GABRG3: variants seen among roughly 807,000 people sequenced by gnomAD.
The protein encoded by GABRG3 is gamma-aminobutyric acid receptor subunit gamma-3.
Under a neutral mutation model 48.8 loss-of-function variants are expected in GABRG3, and 25 were observed. That is an observed-to-expected ratio of 0.51 (90% CI 0.37 to 0.72). The LOEUF is 0.72. Ranked by LOEUF, GABRG3 falls within the 30% of genes least tolerant of loss-of-function variation. The probability of loss-of-function intolerance (pLI) is 0.00; values close to 1 mark genes in which losing one functional copy is unlikely to be tolerated. For missense variants in GABRG3, 394 were observed against 577.9 expected (o/e 0.68, Z 3.26); for synonymous variants, 227 against 217.6 (o/e 1.04, Z -0.38).
At chr15:27,182,134 T>G (rs1887950760) in intron 3 of GABRG3, among the ~76,000 whole-genome samples, 1 of 152,100 alleles carries the variant, frequency 6.6e-6, no homozygotes, top group Admixed American at 6.6e-5. Context: ...AAATGCAGAT[T>G]CCAAGACATC....
In GABRG3 at chr15:26,974,663, G is replaced by T. The variant is rs1894904131; in HGVS notation, c.54-2339G>T. ...CTGATTCTGCTGAGATGAGCTACCGGCCTCTCCTCACTGCCCCAGATGCCC... is the reference window on the plus strand; with the variant it reads ...CTGATTCTGCTGAGATGAGCTACCGTCCTCTCCTCACTGCCCCAGATGCCC... On this transcript the variant is annotated intron_variant, in intron 1 of 9. Coordinates refer to ENST00000615808, the MANE Select transcript of GABRG3 (RefSeq NM_033223.5). This position sits in a 1 kb window ranked among gnomAD's most constrained non-coding sequence, Gnocchi z 4.3. Among the ~76,000 whole-genome samples the T allele has an allele frequency of 6.6e-6, 1 of 151,906 alleles. No homozygotes were observed. The highest frequency in any genetic ancestry group is 2.4e-5 in the African/African-American group (1 of 41,326).
chr15:27,301,013 G>C (rs2140492927), intron 3 of GABRG3, among the ~76,000 whole-genome samples: 1 of 152,060 alleles, frequency 6.6e-6, no homozygotes, highest in Middle Eastern at 3.4e-3. Flanking sequence ...CATCAGTGGG[G>C]GAATGGAGAT....
intron 3 of GABRG3, among the ~76,000 whole-genome samples, chr15:27,059,202 C>T (rs1896604569): frequency 6.6e-6 from 1 of 152,202 alleles, no homozygotes; most frequent in Admixed American, 6.5e-5. Context: ...CATACATGCT[C>T]TTTCTAGCCA....
At chr15:27,365,498 T>C (rs951483377) in intron 5 of GABRG3, 4 of 152,210 alleles carry the variant, frequency 2.6e-5, no homozygotes, top group African/African-American at 9.6e-5. Flanking sequence ...ACACCAGGTA[T>C]TTTGCAGGAT....
chr15:27,417,636 C>T (rs1887980774), intron 5 of GABRG3, among the ~76,000 whole-genome samples: 1 of 152,226 alleles, frequency 6.6e-6, no homozygotes. Flanking sequence ...CAAGCTCCCT[C>T]AAATGCTCCT....
chr15:27,346,578 C>T (rs562224364), intron 5 of GABRG3, among the ~76,000 whole-genome samples: 18 of 151,810 alleles, frequency 1.2e-4, no homozygotes, highest in African/African-American at 3.1e-4. Context: ...ATTATGTGTA[C>T]GTTACACCTT....
intron 3 of GABRG3, among the ~76,000 whole-genome samples, chr15:27,227,415 C>T (rs910816677): frequency 6.6e-6 from 1 of 152,050 alleles, no homozygotes; most frequent in Non-Finnish European, 1.5e-5. Flanking sequence ...GGAGGATCAC[C>T]TGAGCCTTAG....
intron 3 of GABRG3, among the ~76,000 whole-genome samples, chr15:27,193,600 C>T (rs915914728): frequency 7.2e-5 from 11 of 152,156 alleles, no homozygotes; most frequent in Admixed American, 3.9e-4. Flanking sequence ...GGGAGTAACC[C>T]GATTTTCCAG....
chr15:27,075,139 A>C (rs1595508020), intron 3 of GABRG3, among the ~76,000 whole-genome samples: 1 of 152,156 alleles, frequency 6.6e-6, no homozygotes, highest in African/African-American at 2.4e-5. Flanking sequence ...TTTTTTTCTC[A>C]TTTGTTTAGA....
At chr15:27,334,169 C>A (rs186821924) in intron 5 of GABRG3, among the ~76,000 whole-genome samples, 51 of 152,224 alleles carry the variant, frequency 3.4e-4, no homozygotes, top group Admixed American at 1.8e-3. Flanking sequence ...ATGCAATATA[C>A]ATAGATGTCA....
intron 3 of GABRG3, among the ~76,000 whole-genome samples, chr15:27,232,857 T>G (rs1458960697): frequency 6.6e-6 from 1 of 152,200 alleles, no homozygotes; most frequent in Non-Finnish European, 1.5e-5. Flanking sequence ...GTGGTTAAAT[T>G]TGTTCCCGTG....
chr15:27,435,647 GTC>G (rs1888588359), intron 5 of GABRG3, among the ~76,000 whole-genome samples: 1 of 152,152 alleles, frequency 6.6e-6, no homozygotes, highest in African/African-American at 2.4e-5. Flanking sequence ...ATTTATGCTA[GTC>G]TCTCGTTATC....
intron 3 of GABRG3, among the ~76,000 whole-genome samples, chr15:27,093,663 T>C (rs962210384): frequency 1.6e-4 from 24 of 152,182 alleles, no homozygotes; most frequent in African/African-American, 5.8e-4. Flanking sequence ...TAGAAAGATA[T>C]CAGGCTAGAA....
At chr15:27,279,254 T>C (rs1201367553) in intron 3 of GABRG3, among the ~76,000 whole-genome samples, 1 of 152,198 alleles carries the variant, frequency 6.6e-6, no homozygotes, top group East Asian at 1.9e-4. Flanking sequence ...AGAGCAAAGA[T>C]TTTAAATTTT....
chr15:27,491,028 A>T (rs1192960843), intron 6 of GABRG3, among the ~76,000 whole-genome samples: 1 of 152,030 alleles, frequency 6.6e-6, no homozygotes, highest in South Asian at 2.1e-4. Flanking sequence ...GAGGAGACTC[A>T]CTCCATTTAT....
chr15:27,461,585 C>T (rs1194575215), intron 5 of GABRG3, among the ~76,000 whole-genome samples: 1 of 152,192 alleles, frequency 6.6e-6, no homozygotes, highest in African/African-American at 2.4e-5. Flanking sequence ...GCATGGGTGG[C>T]CAGCTTTTAT....
chr15:27,192,822 C>T (rs1888365858), intron 3 of GABRG3, among the ~76,000 whole-genome samples: 1 of 152,130 alleles, frequency 6.6e-6, no homozygotes, highest in Non-Finnish European at 1.5e-5. Flanking sequence ...GTTTTCTGCT[C>T]TGTTTTTTCC....
At chr15:27,112,016 G>T (rs142369303) in intron 3 of GABRG3, among the ~76,000 whole-genome samples, 2 of 152,292 alleles carry the variant, frequency 1.3e-5, no homozygotes, top group African/African-American at 2.4e-5. Flanking sequence ...TCCTTACCAT[G>T]AGAATCTGGT....
chr15:26,988,518 A>G (rs1386343173), intron 2 of GABRG3, among the ~76,000 whole-genome samples: 2 of 151,862 alleles, frequency 1.3e-5, no homozygotes, highest in Non-Finnish European at 2.9e-5. Flanking sequence ...CTTTTAACCT[A>G]TGTTTGTCTT....
Sources: allele counts gnomAD v4.1 joint callset (sites outside exome capture counted in the v4.1 genomes callset), GRCh38; gene constraint gnomAD v4.1.1; non-coding constraint Gnocchi (gnomAD v3.1); transcripts MANE v1.5; gene names NCBI Gene and HGNC (gene_info 2026-07-23, HGNC 2026-07-21).